SGCD: variants seen among roughly 807,000 people sequenced by gnomAD.
SGCD encodes delta-sarcoglycan.
Under a neutral mutation model 36.6 loss-of-function variants are expected in SGCD, and 18 were observed. That is an observed-to-expected ratio of 0.49 (90% CI 0.34 to 0.73). The LOEUF is 0.73. Ranked by LOEUF, SGCD falls within the 30% of genes least tolerant of loss-of-function variation. The pLI, the probability that SGCD is intolerant of heterozygous loss-of-function variation, is 0.01. For synonymous variants in SGCD, 133 were observed against 130.6 expected, an observed-to-expected ratio of 1.02 and a Z score of -0.12; for missense variants, 387 against 346.7, an observed-to-expected ratio of 1.12 and a Z score of -0.92.
chr5:156,213,940 A>C (rs1384427699), intron 3 of SGCD, among the ~76,000 whole-genome samples: 1 of 151,974 alleles, frequency 6.6e-6, no homozygotes, highest in Non-Finnish European at 1.5e-5. Flanking sequence ...AATTAGGTAT[A>C]GAAGGAATGT....
intron 4 of SGCD, among the ~76,000 whole-genome samples, chr5:156,569,975 C>A (rs574422347): frequency 6.6e-6 from 1 of 152,114 alleles, no homozygotes; most frequent in South Asian, 2.1e-4. Flanking sequence ...CTAGCTGTGA[C>A]AAAAAGCCAT....
At chr5:156,643,632 C>A (rs768633285) in intron 6 of SGCD, among the ~76,000 whole-genome samples, 3 of 152,098 alleles carry the variant, frequency 2.0e-5, no homozygotes. Context: ...TGCAATGCAT[C>A]TGCAAAATTA....
intron 1 of SGCD, among the ~76,000 whole-genome samples, chr5:155,939,813 C>A (rs1757287216): frequency 6.6e-6 from 1 of 151,004 alleles, no homozygotes; most frequent in African/African-American, 2.4e-5. Context: ...CATTTATCTC[C>A]AAGTCTGCTC....
At chr5:156,252,206 CT>C (rs1336916497) in intron 3 of SGCD, among the ~76,000 whole-genome samples, 6 of 151,864 alleles carry the variant, frequency 4.0e-5, no homozygotes, top group Admixed American at 3.9e-4. Flanking sequence ...TATTAATCCC[CT>C]CCTGGGATTA....
rs542830422 is a variant in SGCD, at chr5:156,002,857, C to G, written c.-281-115021C>G. Among the ~76,000 whole-genome samples the G allele has an allele frequency of 1.8e-3, 275 of 152,322 alleles. 1 individual carries two copies. Among genetic ancestry groups the G allele is most frequent in the Non-Finnish European group, 3.0e-3 (205 of 68,012 alleles). On this transcript the variant is annotated intron_variant, in intron 1 of 9. Transcript: ENST00000517913. ...ACACAAAACAAAAACTGCCTTAGAA[C>G]ATGCAGCAAGAGGAAAAGCTGCATT...
At chr5:155,870,655 A>G (rs1161923259) in intron 1 of SGCD, among the ~76,000 whole-genome samples, 3 of 152,064 alleles carry the variant, frequency 2.0e-5, no homozygotes, top group African/African-American at 7.2e-5. Context: ...AAAATGAACT[A>G]TTTTTCCTGA....
intron 1 of SGCD, among the ~76,000 whole-genome samples, chr5:155,937,404 T>C (rs971752274): frequency 2.0e-5 from 3 of 152,178 alleles, no homozygotes; most frequent in African/African-American, 7.2e-5. Context: ...TCTCAAAAAC[T>C]ATAATTTGGG....
At chr5:155,873,577 T>C (rs1162885511) in intron 1 of SGCD, among the ~76,000 whole-genome samples, 1 of 152,150 alleles carries the variant, frequency 6.6e-6, no homozygotes, top group Non-Finnish European at 1.5e-5. Flanking sequence ...ATGGATACAA[T>C]GCACACTATT....
chr5:156,592,887 G>C (rs532248633), intron 5 of SGCD, among the ~76,000 whole-genome samples: 1 of 152,250 alleles, frequency 6.6e-6, no homozygotes, highest in South Asian at 2.1e-4. Context: ...CTGCTTAATA[G>C]ATGTGATTAT....
At chr5:156,619,565 C>G (rs1762162833) in intron 6 of SGCD, among the ~76,000 whole-genome samples, 1 of 152,042 alleles carries the variant, frequency 6.6e-6, no homozygotes, top group Non-Finnish European at 1.5e-5. Flanking sequence ...TATATTGTCT[C>G]CTTTCCTATT....
intron 1 of SGCD, among the ~76,000 whole-genome samples, chr5:156,071,258 G>T (rs1355809483): frequency 1.3e-5 from 2 of 152,112 alleles, no homozygotes; most frequent in Non-Finnish European, 2.9e-5. Flanking sequence ...GCTTTCTCTT[G>T]TGGGCATTTA....
chr5:156,607,383 C>A (rs956622070), intron 6 of SGCD, among the ~76,000 whole-genome samples: 1 of 152,124 alleles, frequency 6.6e-6, no homozygotes, highest in Non-Finnish European at 1.5e-5. Context: ...GCCTTGCATC[C>A]CAGGGATGAA....
intron 3 of SGCD, among the ~76,000 whole-genome samples, chr5:156,428,732 G>A (rs1206999992): frequency 6.6e-6 from 1 of 152,030 alleles, no homozygotes; most frequent in African/African-American, 2.4e-5. Flanking sequence ...TGGATAAGTT[G>A]TGTCACTATT....
At chr5:156,115,459 A>G (rs1162845599) in intron 1 of SGCD, among the ~76,000 whole-genome samples, 1 of 152,018 alleles carries the variant, frequency 6.6e-6, no homozygotes, top group East Asian at 1.9e-4. Context: ...CCCAACCCCT[A>G]TTGGAGCAAA....
intron 7 of SGCD, among the ~76,000 whole-genome samples, chr5:156,747,256 A>T (rs1756978915): frequency 6.6e-6 from 1 of 152,236 alleles, no homozygotes; most frequent in African/African-American, 2.4e-5. Context: ...ACAGTTTGAC[A>T]ATTTCTAATT....
chr5:155,860,539 A>T, the SGCD span, among the ~76,000 whole-genome samples: 1 of 152,214 alleles, frequency 6.6e-6, no homozygotes, highest in South Asian at 2.1e-4. Flanking sequence ...TGATACTAAA[A>T]CAAGAAGGAT....
chr5:156,482,812 A>ATTTTTTT, intron 3 of SGCD, among the ~76,000 whole-genome samples: 1 of 57,142 alleles, frequency 1.8e-5, no homozygotes, highest in African/African-American at 6.1e-5. Flanking sequence ...CCTTTTGGTC[A>ATTTTTTT]GTTTTTTTTT....
chr5:156,189,581 C>T (rs999667824), intron 3 of SGCD, among the ~76,000 whole-genome samples: 7 of 151,694 alleles, frequency 4.6e-5, no homozygotes, highest in South Asian at 4.1e-4. Context: ...CAGGGGACCT[C>T]GGCCAAAGGC....
At chr5:156,358,483 C>G (rs1769603316) in intron 3 of SGCD, among the ~76,000 whole-genome samples, 1 of 152,178 alleles carries the variant, frequency 6.6e-6, no homozygotes, top group African/African-American at 2.4e-5. Context: ...GATATATTGA[C>G]AGCCTTATGA....
Sources: allele counts gnomAD v4.1 joint callset (sites outside exome capture counted in the v4.1 genomes callset), GRCh38; gene constraint gnomAD v4.1.1; transcripts MANE v1.5; gene names NCBI Gene and HGNC (gene_info 2026-07-23, HGNC 2026-07-21).